The following ALG14 variants were observed in gnomAD, a reference collection of about 807,000 sequenced individuals.
The protein encoded by ALG14 is ALG14 UDP-N-acetylglucosaminyltransferase subunit.
In ALG14, 17 loss-of-function variants were observed where a neutral mutation model predicts 22.8. That is an observed-to-expected ratio of 0.75 (90% CI 0.51 to 1.12). The LOEUF is 1.12. Ranked by LOEUF, ALG14 falls within the 50% of genes most tolerant of loss-of-function variation. The pLI, the probability that ALG14 is intolerant of heterozygous loss-of-function variation, is 0.00. For synonymous variants in ALG14, 89 were observed against 103.7 expected, an observed-to-expected ratio of 0.86 and a Z score of 0.86; for missense variants, 288 against 271.8, an observed-to-expected ratio of 1.06 and a Z score of -0.42.
At chr1:95,026,270 T>C (rs1673812221) in intron 3 of ALG14, among the ~76,000 whole-genome samples, 1 of 152,190 alleles carries the variant, frequency 6.6e-6, no homozygotes, top group Non-Finnish European at 1.5e-5. Context: ...AACTTTTCCT[T>C]TGCATTCACA....
rs1179915144 is a variant in ALG14 at position 95,064,876 on chromosome 1, G to C, written c.278C>G (p.Pro93Arg). ...SFELDRADRD[P>R]SNMYTKYYIH... ...GAAATTGTCACTTACCATGTTACTA[G>C]GGTCTCTATCAGCTCGATCTAGTTC... The change falls in exon 2 of 4, where the codon CCT (proline) becomes CGT (arginine). Residue 93 changes from proline to arginine, a missense_variant. Pro to Arg is a moderately radical substitution (Grantham distance 103). Coordinates refer to ENST00000370205, the MANE Select transcript of ALG14 (RefSeq NM_144988.4). The C allele has an allele frequency of 6.2e-7, 1 of 1,611,098 alleles. No individual in the cohort carries two copies. Among genetic ancestry groups the C allele is most frequent in the East Asian group, 2.2e-5 (1 of 44,864 alleles).
At chr1:95,009,857 T>C (rs1673316893) in intron 3 of ALG14, among the ~76,000 whole-genome samples, 1 of 152,192 alleles carries the variant, frequency 6.6e-6, no homozygotes, top group Non-Finnish European at 1.5e-5. Flanking sequence ...TATGATTATA[T>C]AATATGTTAA....
At chr1:95,038,924 G>A (rs1202986309) in intron 2 of ALG14, among the ~76,000 whole-genome samples, 3 of 151,966 alleles carry the variant, frequency 2.0e-5, no homozygotes, top group Non-Finnish European at 4.4e-5. Flanking sequence ...GTCTTCCTAT[G>A]TTGCCCAGGC....
chr1:95,023,242 G>C (rs1673716309), intron 3 of ALG14, among the ~76,000 whole-genome samples: 1 of 152,076 alleles, frequency 6.6e-6, no homozygotes, highest in Non-Finnish European at 1.5e-5. Context: ...TCCTGCCTCA[G>C]CCTCCTGAGT....
chr1:94,991,748 T>A (rs1672779420), intron 3 of ALG14, among the ~76,000 whole-genome samples: 1 of 152,242 alleles, frequency 6.6e-6, no homozygotes, highest in Non-Finnish European at 1.5e-5. Flanking sequence ...TACTGTAACT[T>A]TTTTTACTTT....
chr1:95,061,381 A>G (rs776597647), intron 2 of ALG14, among the ~76,000 whole-genome samples: 1 of 152,186 alleles, frequency 6.6e-6, no homozygotes, highest in Non-Finnish European at 1.5e-5. Context: ...AGATTTATAT[A>G]CCAATCTTGT....
At chr1:95,059,677 C>G (rs923191566) in intron 2 of ALG14, among the ~76,000 whole-genome samples, 1 of 151,852 alleles carries the variant, frequency 6.6e-6, no homozygotes, top group African/African-American at 2.4e-5. Flanking sequence ...TCTGATAGAA[C>G]TTTCTGCAAT....
chr1:95,011,882 G>A (rs896917992), intron 3 of ALG14, among the ~76,000 whole-genome samples: 1 of 152,184 alleles, frequency 6.6e-6, no homozygotes, highest in Non-Finnish European at 1.5e-5. Flanking sequence ...ATGACTTAAA[G>A]TGATGAAAAG....
At position 94,976,796 on chromosome 1, in the gene ALG14, A is replaced by C. The variant is rs1309652338; in HGVS notation, c.*6280T>G. ...GGGTGGGATCTGTGAATATCATGAC[A>C]TGTCATTCCTCTGATTATGTTACAT... On this transcript the variant is annotated 3_prime_UTR_variant, in exon 4 of 4. Transcript: ENST00000370205. The C allele has an allele frequency of 6.6e-6, 1 of 152,192 alleles. No individual in the cohort carries two copies. The highest frequency in any genetic ancestry group is 1.5e-5 in the Non-Finnish European group (1 of 68,036). 9.4% of individuals were successfully genotyped at this position (152,192 alleles called of 1,614,324 possible). A position where few individuals can be genotyped will look rare whatever the true frequency, so the allele number is the denominator to read the frequency against.
At chr1:94,990,164 A>T (rs1473904138) in intron 3 of ALG14, among the ~76,000 whole-genome samples, 3 of 152,246 alleles carry the variant, frequency 2.0e-5, no homozygotes, top group Non-Finnish European at 4.4e-5. Flanking sequence ...GGAGTAAAGA[A>T]GAAAATGCAG....
intron 3 of ALG14, among the ~76,000 whole-genome samples, chr1:95,019,693 T>C (rs538558734): frequency 6.6e-6 from 1 of 152,292 alleles, no homozygotes; most frequent in Non-Finnish European, 1.5e-5. Flanking sequence ...AAAGAAGCGA[T>C]AACCTGGCCG....
At position 94,980,797 on chromosome 1, in the gene ALG14, C is replaced by T. The variant is rs1672478828; in HGVS notation, c.*2279G>A. ...CAGCCTGAACCTATGAAAGATATAA[C>T]ATTTCTAAACTTTTGGTGATATAAC... On this transcript the variant is annotated 3_prime_UTR_variant, in exon 4 of 4. Coordinates refer to ENST00000370205, the MANE Select transcript of ALG14 (RefSeq NM_144988.4). 6.6e-6 allele frequency: 1 copy of T among 152,244 alleles called. No individual in the cohort carries two copies. Among genetic ancestry groups the T allele is most frequent in the Admixed American group, 6.5e-5 (1 of 15,284 alleles). 9.4% of individuals were successfully genotyped at this position (152,244 alleles called of 1,614,324 possible). A position where few individuals can be genotyped will look rare whatever the true frequency, so the allele number is the denominator to read the frequency against.
intron 3 of ALG14, among the ~76,000 whole-genome samples, chr1:95,015,052 CA>C (rs1673464012): frequency 6.6e-6 from 1 of 152,128 alleles, no homozygotes; most frequent in Non-Finnish European, 1.5e-5. Flanking sequence ...TCTTTGATAA[CA>C]AAGAGGGCAG....
chr1:95,052,452 C>T (rs529402761), intron 2 of ALG14, among the ~76,000 whole-genome samples: 1 of 152,036 alleles, frequency 6.6e-6, no homozygotes. Context: ...TTTAAGATGA[C>T]AGCAAGAATG....
chr1:95,014,229 T>A (rs1673443063), intron 3 of ALG14, among the ~76,000 whole-genome samples: 1 of 152,186 alleles, frequency 6.6e-6, no homozygotes, highest in South Asian at 2.1e-4. Context: ...AAGGGCTATT[T>A]GTTCTGGGCG....
chr1:95,002,487 C>G (rs891008452), intron 3 of ALG14, among the ~76,000 whole-genome samples: 3 of 151,854 alleles, frequency 2.0e-5, no homozygotes, highest in African/African-American at 7.3e-5. Flanking sequence ...AAAAATATGT[C>G]CAAACAAAAA....
chr1:95,072,777 A>G lies in ALG14; in HGVS notation c.122T>C (p.Val41Ala). 6.2e-7 allele frequency: 1 copy of G among 1,614,132 alleles called. No individual in the cohort carries two copies. Among genetic ancestry groups the G allele is most frequent in the Non-Finnish European group, 8.5e-7 (1 of 1,180,012 alleles). ...VTPRESLSIL[V>A]VAGSGGHTTE... ...TCGATACTTACCGGACCCAGCCACT[A>G]CCAAGATACTGAGAGACTCCCGGGG... The change falls in exon 1 of 4, where the codon GTA (valine) becomes GCA (alanine). Residue 41 changes from valine (V) to alanine (A), a missense_variant. Coordinates refer to ENST00000370205, the MANE Select transcript of ALG14 (RefSeq NM_144988.4).
chr1:95,044,685 T>C (rs971854191), intron 2 of ALG14, among the ~76,000 whole-genome samples: 1 of 152,156 alleles, frequency 6.6e-6, no homozygotes, highest in Non-Finnish European at 1.5e-5. Flanking sequence ...ACTGATCACC[T>C]TCTAACAGAC....
chr1:95,015,656 A>T (rs973543614), intron 3 of ALG14, among the ~76,000 whole-genome samples: 7 of 152,236 alleles, frequency 4.6e-5, no homozygotes, highest in African/African-American at 1.7e-4. Context: ...ATGGTGGTCC[A>T]GCAGGACAGA....
Sources: allele counts gnomAD v4.1 joint callset (sites outside exome capture counted in the v4.1 genomes callset), GRCh38; gene constraint gnomAD v4.1.1; transcripts MANE v1.5; gene names NCBI Gene and HGNC (gene_info 2026-07-23, HGNC 2026-07-21).